Variants in EGF observed in about 807,000 individuals in gnomAD.
EGF encodes the protein epidermal growth factor.
EGF carries 95 observed loss-of-function variants against 143.8 expected under a neutral mutation model. That is an observed-to-expected ratio of 0.66 (90% CI 0.56 to 0.78). EGF has a LOEUF of 0.78. Among genes scored for constraint, EGF ranks in the 30% least tolerant of loss-of-function variants. EGF has a pLI of 0.00. For missense variants in EGF, 1,320 were observed against 1,470.9 expected (o/e 0.90, Z 1.68); for synonymous variants, 510 against 510.5 (o/e 1.00, Z 0.01).
chr4:109,924,272 C>T (rs928239634), intron 1 of EGF, among the ~76,000 whole-genome samples: 5 of 151,528 alleles, frequency 3.3e-5, no homozygotes, highest in African/African-American at 9.8e-5. Flanking sequence ...ATGCACATGA[C>T]ACCTCCCAAG....
In EGF at chr4:110,000,601, T is replaced by G. The variant is rs904457207; in HGVS notation, c.3173+755T>G. ...CTCAGATTTTGTGCTTTTAATAATT[T>G]CAAGTTAACAATTAAAAACTGTAGA... On this transcript the variant is annotated intron_variant, in intron 21 of 23. Coordinates refer to ENST00000265171, the MANE Select transcript of EGF (RefSeq NM_001963.6). 2.8e-4 allele frequency among the ~76,000 whole-genome samples: 42 copies of G among 152,248 alleles called. 1 individual carries two copies. The highest frequency in any genetic ancestry group is 8.8e-5 in the Non-Finnish European group (6 of 68,050).
intron 18 of EGF, 144 bp downstream of exon 18, chr4:109,988,853 A>G (rs1750541682): frequency 1.6e-6 from 2 of 1,278,962 alleles, no homozygotes; most frequent in Non-Finnish European, 2.2e-6. Flanking sequence ...GACCTGCTCA[A>G]ACTGACGTAT....
At chr4:109,990,521 C>A (rs1560747019) in intron 18 of EGF, among the ~76,000 whole-genome samples, 1 of 152,052 alleles carries the variant, frequency 6.6e-6, no homozygotes, top group Non-Finnish European at 1.5e-5. Context: ...TAGAGAGTAG[C>A]CTAGTTGAGC....
chr4:109,928,741 G>A (rs765772703), intron 1 of EGF, among the ~76,000 whole-genome samples: 1 of 152,112 alleles, frequency 6.6e-6, no homozygotes, highest in Non-Finnish European at 1.5e-5. Flanking sequence ...CTGGAATTTG[G>A]TTGTCCTATT....
Position 109,913,211 on chromosome 4 carries a change from G to C in EGF, c.-125G>C. On this transcript the variant is annotated 5_prime_UTR_variant, in exon 1 of 24. Transcript: ENST00000265171. ...ACAACAGCACAACAGGAGAGTAAAA[G>C]ATGCCCCAGGGCTGAGGCCTCCGCT... 8.3e-7 allele frequency: 1 copy of C among 1,200,404 alleles called. No individual in the cohort carries two copies. Among genetic ancestry groups the C allele is most frequent in the Non-Finnish European group, 1.2e-6 (1 of 820,618 alleles). 74.4% of individuals were successfully genotyped at this position (1,200,404 alleles called of 1,614,324 possible).
intron 9 of EGF, among the ~76,000 whole-genome samples, 154 bp from the exon 10 acceptor site, chr4:109,964,247 G>C (rs1578276775): frequency 6.6e-6 from 1 of 152,168 alleles, no homozygotes; most frequent in African/African-American, 2.4e-5. Flanking sequence ...ACATCCTCTT[G>C]CCTGTCTTCA....
At chr4:109,996,817 C>A (rs1362355531) in intron 20 of EGF, among the ~76,000 whole-genome samples, 1 of 152,188 alleles carries the variant, frequency 6.6e-6, no homozygotes, top group Admixed American at 6.5e-5. Context: ...TTTGGAGATG[C>A]TCAGGAGGCT....
intron 4 of EGF, 103 bp downstream of exon 4, chr4:109,944,172 A>T: frequency 7.7e-7 from 1 of 1,298,158 alleles, no homozygotes. Context: ...GGTTTAGGCC[A>T]TAGATTTTGA....
chr4:109,927,198 C>T (rs1055459848), intron 1 of EGF, among the ~76,000 whole-genome samples: 17 of 152,154 alleles, frequency 1.1e-4, no homozygotes, highest in African/African-American at 3.9e-4. Flanking sequence ...TAAATACAGC[C>T]AATGATGCAT....
rs1209469239 is a variant in EGF, at chr4:110,013,205, A to T, written c.*1750A>T. ...CATAATTTCCCCCAAGGTTTTCTTT[A>T]CCTAAGTGTGAATATTTTTTCTTCC... is the stretch of plus-strand genomic sequence containing the variant. On this transcript the variant is annotated 3_prime_UTR_variant, in exon 24 of 24. Transcript: ENST00000265171. 6.6e-6 allele frequency among the ~76,000 whole-genome samples: 1 copy of T among 152,098 alleles called. No homozygotes were observed. Among genetic ancestry groups the T allele is most frequent in the Admixed American group, 6.5e-5 (1 of 15,272 alleles).
chr4:109,945,954 C>G (rs767241071), intron 5 of EGF, among the ~76,000 whole-genome samples: 8 of 152,132 alleles, frequency 5.3e-5, no homozygotes, highest in African/African-American at 1.9e-4. Flanking sequence ...CTATGTCTTG[C>G]GTTTAGGCAA....
intron 16 of EGF, among the ~76,000 whole-genome samples, chr4:109,986,842 AT>A (rs1355178613): frequency 6.6e-6 from 1 of 152,152 alleles, no homozygotes; most frequent in Non-Finnish European, 1.5e-5. Flanking sequence ...GAAATGATCC[AT>A]TTACTGCACT....
At position 110,010,403 on chromosome 4, in the gene EGF, T is replaced by G. The variant is rs11569138; in HGVS notation, c.3371-799T>G. On this transcript the variant is annotated intron_variant, in intron 23 of 23. Coordinates refer to ENST00000265171, the MANE Select transcript of EGF (RefSeq NM_001963.6). ...TTTAAATCACCTCAACCAAGACTAT[T>G]GTAATTTTTTTAAAAAAATTTTAAG... 6.8e-3 allele frequency among the ~76,000 whole-genome samples: 905 copies of G among 133,444 alleles called. 2 individuals carry two copies. Among genetic ancestry groups the G allele is most frequent in the Non-Finnish European group, 1.0e-2 (673 of 67,636 alleles). 87.5% of individuals were successfully genotyped at this position (133,444 alleles called of 152,430 possible). A position where few individuals can be genotyped will look rare whatever the true frequency, so the allele number is the denominator to read the frequency against.
At position 109,993,001 on chromosome 4, in the gene EGF, ACG is replaced by A. The variant is rs1227979024; in HGVS notation, c.2735-245_2735-244del. Among the ~76,000 whole-genome samples, 12 of 150,096 alleles carry A rather than the reference ACG, an allele frequency of 8.0e-5. No individual in the cohort carries two copies. The East Asian group carries it at 2.3e-3, about 29-fold the overall frequency. Reference sequence around the variant, plus strand: ...TTAGGAGATACACCTAAAATAAATGACGAGTTAATGGGTGCAGCACACCAACA... The same window carrying A: ...TTAGGAGATACACCTAAAATAAATGAAGTTAATGGGTGCAGCACACCAACA... On this transcript the variant is annotated intron_variant, in intron 18 of 23. Transcript: ENST00000265171.
chr4:109,935,001 C>T (rs977314939), intron 1 of EGF, among the ~76,000 whole-genome samples: 1 of 152,098 alleles, frequency 6.6e-6, no homozygotes, highest in Non-Finnish European at 1.5e-5. Context: ...AGTGTGATGC[C>T]TCCAGCTTTG....
At chr4:109,928,598 T>A (rs1027925836) in intron 1 of EGF, among the ~76,000 whole-genome samples, 3 of 152,286 alleles carry the variant, frequency 2.0e-5, no homozygotes, top group Admixed American at 6.5e-5. Flanking sequence ...ACCTGCAGAA[T>A]GTAGATTTTC....
chr4:109,974,863 G>A (rs1748241880), intron 12 of EGF, 56 bp downstream of exon 12: 2 of 1,397,032 alleles, frequency 1.4e-6, no homozygotes, highest in South Asian at 2.3e-5. Context: ...ACAGTTCATG[G>A]TTGATATGCT....
intron 13 of EGF, among the ~76,000 whole-genome samples, chr4:109,977,998 G>T (rs1438202669): frequency 6.6e-6 from 1 of 152,066 alleles, no homozygotes; most frequent in Non-Finnish European, 1.5e-5. Context: ...CATTTATATT[G>T]CTACTATATT....
At chr4:109,926,866 G>A (rs1487180915) in intron 1 of EGF, among the ~76,000 whole-genome samples, 2 of 152,198 alleles carry the variant, frequency 1.3e-5, no homozygotes, top group African/African-American at 4.8e-5. Context: ...GAAGAGAGCA[G>A]TTTGAAGATA....
Sources: gnomAD v4.1 joint callset for allele counts (sites outside exome capture counted in the v4.1 genomes callset) on GRCh38, gnomAD v4.1.1 for gene constraint, MANE v1.5 for transcripts, NCBI Gene and HGNC (gene_info 2026-07-23, HGNC 2026-07-21) for gene names.